The following CKAP5 variants were observed in gnomAD, a reference collection of about 807,000 sequenced individuals.
CKAP5 encodes cytoskeleton associated protein 5.
CKAP5 carries 27 observed loss-of-function variants against 232.8 expected under a neutral mutation model. The ratio of observed to expected loss-of-function variants is 0.12; its 90% CI spans 0.09 to 0.16. The LOEUF (loss-of-function observed/expected upper bound fraction) is 0.16, where lower values mean the gene tolerates loss of function less well. Ranked by LOEUF, CKAP5 falls within the 10% of genes least tolerant of loss-of-function variation. CKAP5 has a pLI of 1.00. For missense variants in CKAP5, 1,838 were observed against 2,424.7 expected (o/e 0.76, Z 5.08); for synonymous variants, 785 against 841.1 (o/e 0.93, Z 1.16).
chr11:46,829,342 T>C (rs774100645), intron 1 of CKAP5, among the ~76,000 whole-genome samples: 48 of 152,218 alleles, frequency 3.2e-4, no homozygotes, highest in Non-Finnish European at 5.9e-4. Context: ...AATAAAGTCT[T>C]ACTTTACTTA....
chr11:46,789,189 T>C lies in CKAP5; in HGVS notation c.1876-416A>G, dbSNP rs75589499. On this transcript the variant is annotated intron_variant, in intron 15 of 43. Coordinates refer to ENST00000529230, the MANE Select transcript of CKAP5 (RefSeq NM_001008938.4). ...GTTCTAAAGTACCGAATATCAAAGATGCACAAACTCAGATCTAAACCCAAT... is the reference window on the plus strand; with the variant it reads ...GTTCTAAAGTACCGAATATCAAAGACGCACAAACTCAGATCTAAACCCAAT... Among the ~76,000 whole-genome samples the C allele has an allele frequency of 2.3e-3, 343 of 152,334 alleles. 1 individual carries two copies. Among genetic ancestry groups the C allele is most frequent in the Non-Finnish European group, 3.3e-3 (226 of 68,028 alleles).
intron 33 of CKAP5, among the ~76,000 whole-genome samples, chr11:46,759,790 G>A (rs956061122): frequency 6.6e-6 from 1 of 152,142 alleles, no homozygotes; most frequent in African/African-American, 2.4e-5. Flanking sequence ...CTACTTATGA[G>A]CAAATATATA....
chr11:46,818,365 A>G lies in CKAP5; in HGVS notation c.196T>C (p.Leu66=), dbSNP rs551321291. ...FVTDSNAVVQ[L]KGLEAALVYV... The stretch of plus-strand genomic sequence containing the variant: ...ACAAGTGCAGCTTCTAATCCTTTCA[A>G]TTGAACCACTGCATTGGAATCAGTG... The change falls in exon 3 of 44, where the codon TTG becomes CTG. Residue 66 remains leucine (L), a synonymous_variant. Coordinates refer to ENST00000529230, the MANE Select transcript of CKAP5 (RefSeq NM_001008938.4). 1.7e-5 allele frequency: 28 copies of G among 1,611,604 alleles called. No homozygotes were observed. Among genetic ancestry groups the G allele is most frequent in the Non-Finnish European group, 2.4e-5 (28 of 1,179,244 alleles).
At chr11:46,760,855 A>G in intron 32 of CKAP5, 71 bp from the exon 33 acceptor site, 6 of 1,351,966 alleles carry the variant, frequency 4.4e-6, no homozygotes, top group Non-Finnish European at 6.2e-6. Flanking sequence ...CAAAACAAAT[A>G]GAACCTTCTA....
intron 22 of CKAP5, 142 bp downstream of exon 22, chr11:46,777,988 GAGATACACT>G (rs2065305420): frequency 3.2e-6 from 2 of 626,456 alleles, no homozygotes; most frequent in Non-Finnish European, 5.4e-6. Flanking sequence ...ATCATATCTT[GAGATACACT>G]TAATAAATTA....
At chr11:46,767,505 A>G (rs1592443756) in intron 27 of CKAP5, 70 bp downstream of exon 27, 2 of 933,734 alleles carry the variant, frequency 2.1e-6, no homozygotes, top group Admixed American at 4.0e-5. Context: ...GATCCTTCCT[A>G]ATAGAATGAC....
chr11:46,752,009 G>T (rs1052092020), intron 38 of CKAP5, among the ~76,000 whole-genome samples: 22 of 151,516 alleles, frequency 1.5e-4, no homozygotes, highest in Middle Eastern at 6.8e-3. Flanking sequence ...CAAAATAAAT[G>T]AAATCTGTTT....
intron 9 of CKAP5, among the ~76,000 whole-genome samples, chr11:46,800,011 A>C (rs555526702): frequency 2.0e-5 from 3 of 152,202 alleles, no homozygotes; most frequent in East Asian, 1.9e-4. Context: ...AAAAAAAAAA[A>C]ACTAAAATTA....
rs1939192470 is a variant in CKAP5, at chr11:46,807,885, C to G, written c.978+146G>C. ...AACCCACAACAGGAATTTAAAACAA[C>G]CCTTTAAAAATGTATGTCTGTAATT... On this transcript the variant is annotated intron_variant, in intron 8 of 43. Coordinates refer to ENST00000529230, the MANE Select transcript of CKAP5 (RefSeq NM_001008938.4). 9.3e-6 allele frequency: 5 copies of G among 536,308 alleles called. No homozygotes were observed. The East Asian group carries it at 1.5e-4, about 16-fold the overall frequency. The allele number at this position is 536,308 out of a possible 1,614,324, so 33.2% of individuals were successfully genotyped here.
chr11:46,790,481 G>A lies in CKAP5; in HGVS notation c.1753C>T (p.Pro585Ser). Reference protein sequence around the residue: ...KGLETKEIVEPELSIEVCEEK... With the variant: ...KGLETKEIVESELSIEVCEEK... ...GTGTTAATACTGACCGAGAGCTCAG[G>A]CTCCACTATTTCTTTAGTCTCCAGT... is the stretch of plus-strand genomic sequence containing the variant. The change falls in exon 14 of 44, where the codon CCT becomes TCT. Residue 585 changes from proline (P) to serine (S), a missense_variant. Transcript: ENST00000529230. The A allele has an allele frequency of 3.7e-6, 6 of 1,611,060 alleles. No homozygotes were observed. Among genetic ancestry groups the A allele is most frequent in the East Asian group, 4.5e-5 (2 of 44,870 alleles).
intron 24 of CKAP5, among the ~76,000 whole-genome samples, chr11:46,772,797 AGTGGCAC>A: frequency 6.6e-6 from 1 of 151,270 alleles, no homozygotes. Context: ...GCTGGAGTGC[AGTGGCAC>A]GATCTTGGCT....
At chr11:46,837,567 A>T (rs1445858964) in intron 1 of CKAP5, among the ~76,000 whole-genome samples, 2 of 152,162 alleles carry the variant, frequency 1.3e-5, no homozygotes, top group Admixed American at 6.6e-5. Context: ...GAACCAGGGC[A>T]CCTTGGGGAA....
Position 46,744,414 on chromosome 11 carries a change from A to T in CKAP5, c.5856+12T>A, listed in dbSNP as rs760934605. The T allele has an allele frequency of 6.2e-7, 1 of 1,614,094 alleles. No individual in the cohort carries two copies. On this transcript the variant is annotated intron_variant, in intron 43 of 43. Transcript: ENST00000529230. ...ACCCTCCCTGAACTGCACAGAAGAA[A>T]AGGAGCAGTACCTTTGTGTTGTCCA...
rs1353405519 is a variant in CKAP5 at position 46,844,594 on chromosome 11, AC to A, written c.-38+1625del. Among the ~76,000 whole-genome samples the A allele has an allele frequency of 3.3e-5, 5 of 152,342 alleles. No individual in the cohort carries two copies. The East Asian group carries it at 9.6e-4, about 29-fold the overall frequency. Reference sequence around the variant, plus strand: ...TAAAGTAAAAGGCATGTTAATTGTTACGGAATACCTTTGCTTGCCATTGCCT... The same window carrying A: ...TAAAGTAAAAGGCATGTTAATTGTTAGGAATACCTTTGCTTGCCATTGCCT... On this transcript the variant is annotated intron_variant, in intron 1 of 43. Transcript: ENST00000529230.
intron 1 of CKAP5, among the ~76,000 whole-genome samples, chr11:46,833,580 G>A (rs1439401905): frequency 1.3e-5 from 2 of 151,214 alleles, no homozygotes; most frequent in African/African-American, 4.9e-5. Context: ...CCGGGTTCAC[G>A]CCATTCTCCT....
At chr11:46,794,786 T>C (rs897845533) in intron 13 of CKAP5, among the ~76,000 whole-genome samples, 68 of 152,016 alleles carry the variant, frequency 4.5e-4, no homozygotes, top group African/African-American at 1.6e-3. Context: ...CAGTGAGCTA[T>C]AATCGCACCA....
rs1422772634 is a variant in CKAP5 at position 46,781,074 on chromosome 11, T to TCACACA, written c.2250-590_2250-589insTGTGTG. Among the ~76,000 whole-genome samples the TCACACA allele has an allele frequency of 3.9e-5, 6 of 152,316 alleles. No individual in the cohort carries two copies. In the East Asian group the frequency reaches 1.2e-3, roughly 29 times the overall value. ...TGCCTTTGTGATATTTCCATTTGTA[T>TCACACA]GCCTGGAAGACAGCCTACATCTAAT... On this transcript the variant is annotated intron_variant, in intron 18 of 43. Coordinates refer to ENST00000529230, the MANE Select transcript of CKAP5 (RefSeq NM_001008938.4).
At chr11:46,803,711 T>C (rs973548637) in intron 8 of CKAP5, among the ~76,000 whole-genome samples, 4 of 152,196 alleles carry the variant, frequency 2.6e-5, no homozygotes, top group Non-Finnish European at 5.9e-5. Flanking sequence ...CCCTCTCAAC[T>C]TGTGTTAAGT....
chr11:46,790,315 T>C, intron 14 of CKAP5, 129 bp from the exon 15 acceptor site: 2 of 797,512 alleles, frequency 2.5e-6, no homozygotes, highest in Non-Finnish European at 4.0e-6. Flanking sequence ...AGGCTTCTAT[T>C]ATACTTTGAT....
Sources: allele counts gnomAD v4.1 joint callset (sites outside exome capture counted in the v4.1 genomes callset), GRCh38; gene constraint gnomAD v4.1.1; transcripts MANE v1.5; gene names NCBI Gene and HGNC (gene_info 2026-07-23, HGNC 2026-07-21).